LIPC: variants seen among roughly 807,000 people sequenced by gnomAD.
LIPC encodes lipase C, hepatic type.
In LIPC, 44 loss-of-function variants were observed where a neutral mutation model predicts 50.7. The observed-to-expected ratio is 0.87, with a 90% CI of 0.68 to 1.11. The LOEUF (loss-of-function observed/expected upper bound fraction) is 1.11. Ranked by LOEUF, LIPC falls within the 50% of genes most tolerant of loss-of-function variation. LIPC has a pLI of 0.00. For synonymous variants in LIPC, 271 were observed against 256.4 expected (o/e 1.06, Z -0.54); for missense variants, 697 against 648.2 (o/e 1.08, Z -0.82).
At chr15:58,464,889 C>T (rs770436701) in intron 1 of LIPC, among the ~76,000 whole-genome samples, 2 of 152,156 alleles carry the variant, frequency 1.3e-5, no homozygotes, top group Non-Finnish European at 2.9e-5. Context: ...AGAAAAATCG[C>T]TTGAACCTGG....
At chr15:58,532,278 G>C (rs576897720) in intron 1 of LIPC, among the ~76,000 whole-genome samples, 28 of 152,264 alleles carry the variant, frequency 1.8e-4, no homozygotes, top group African/African-American at 6.7e-4. Flanking sequence ...CCACACAAAT[G>C]TTTCCATCTT....
At chr15:58,518,168 A>C (rs755507890) in intron 1 of LIPC, among the ~76,000 whole-genome samples, 38 of 152,174 alleles carry the variant, frequency 2.5e-4, no homozygotes, top group Admixed American at 9.2e-4. Context: ...GCCTCTACCC[A>C]CTAATGCCAG....
At chr15:58,550,618 G>A (rs927859798) in intron 6 of LIPC, among the ~76,000 whole-genome samples, 1 of 152,002 alleles carries the variant, frequency 6.6e-6, no homozygotes. Context: ...CAGGGGGCTC[G>A]GTGGAGACTA....
chr15:58,498,586 C>T (rs911964611), intron 1 of LIPC: 2 of 152,156 alleles, frequency 1.3e-5, no homozygotes, highest in African/African-American at 4.8e-5. Flanking sequence ...GTAAAAATGT[C>T]TAGAAAGACT....
chr15:58,555,316 T>C (rs1399343377), intron 6 of LIPC, among the ~76,000 whole-genome samples: 4 of 152,102 alleles, frequency 2.6e-5, no homozygotes, highest in African/African-American at 7.2e-5. Context: ...AGAGCGTCCT[T>C]TGTGGCAGCG....
At chr15:58,565,457 C>T in intron 8 of LIPC, 1 of 1,412,622 alleles carries the variant, frequency 7.1e-7, no homozygotes, top group Non-Finnish European at 9.2e-7. Flanking sequence ...GAGGGAGGGG[C>T]CTGGCCCTTC....
intron 1 of LIPC, 126 bp downstream of exon 1, chr15:58,432,246 A>T: frequency 1.3e-6 from 1 of 757,754 alleles, no homozygotes; most frequent in Non-Finnish European, 2.4e-6. Flanking sequence ...AGGTGGTTCT[A>T]TACACGACCT....
rs375085819 is a variant in LIPC, at chr15:58,443,531, C to T, written c.88+11411C>T. Reference sequence around the variant, plus strand: ...ACTTTTAAGGTCACCAGGGATATTTCGAAAGAGCTGAAGCTTTTTCCTCCA... The same window carrying T: ...ACTTTTAAGGTCACCAGGGATATTTTGAAAGAGCTGAAGCTTTTTCCTCCA... On this transcript the variant is annotated intron_variant, in intron 1 of 8. Coordinates refer to ENST00000299022, the MANE Select transcript of LIPC (RefSeq NM_000236.3). Among the ~76,000 whole-genome samples, 5 of 152,342 alleles carry T rather than the reference C, an allele frequency of 3.3e-5. No homozygotes were observed. The South Asian group carries it at 6.2e-4, about 19-fold the overall frequency.
intron 6 of LIPC, among the ~76,000 whole-genome samples, chr15:58,559,877 C>A (rs1158456310): frequency 6.6e-6 from 1 of 152,162 alleles, no homozygotes; most frequent in African/African-American, 2.4e-5. Context: ...TTCAAAACAG[C>A]TCCATAGCTG....
rs1342290123 is a variant in LIPC at position 58,502,520 on chromosome 15, TTTG to T, written c.89-35810_89-35808del. Among the ~76,000 whole-genome samples, 12 of 151,438 alleles carry T rather than the reference TTTG, an allele frequency of 7.9e-5. 1 individual carries two copies. The South Asian group carries it at 1.9e-3, about 24-fold the overall frequency. ...CCATGTAATTTTCTCTTTTTTTTTTTTTGTTTGTTTTTATGAAAACGTATCATT... is the reference window on the plus strand; with the variant it reads ...CCATGTAATTTTCTCTTTTTTTTTTTTTTGTTTTTATGAAAACGTATCATT... On this transcript the variant is annotated intron_variant, in intron 1 of 8. Transcript: ENST00000299022.
chr15:58,472,288 A>AG (rs1303555182), intron 1 of LIPC, among the ~76,000 whole-genome samples: 4 of 150,338 alleles, frequency 2.7e-5, no homozygotes, highest in Non-Finnish European at 4.4e-5. Flanking sequence ...AAAAAAAAAA[A>AG]AAAAAGAAAT....
chr15:58,527,658 T>C (rs1470158182), intron 1 of LIPC, among the ~76,000 whole-genome samples: 1 of 152,228 alleles, frequency 6.6e-6, no homozygotes, highest in Non-Finnish European at 1.5e-5. Flanking sequence ...TTTATTTACT[T>C]GCCTCTACCA....
At chr15:58,532,713 A>C (rs1193344254) in intron 1 of LIPC, among the ~76,000 whole-genome samples, 1 of 152,014 alleles carries the variant, frequency 6.6e-6, no homozygotes, top group Non-Finnish European at 1.5e-5. Context: ...GCAGATCCTG[A>C]CTCCAATCGG....
intron 1 of LIPC, among the ~76,000 whole-genome samples, chr15:58,509,202 T>A (rs1230032819): frequency 6.6e-6 from 1 of 152,212 alleles, no homozygotes; most frequent in Admixed American, 6.5e-5. Context: ...TTAGATAGAA[T>A]AGAATCCATC....
chr15:58,457,690 C>T (rs1219308722), intron 1 of LIPC, among the ~76,000 whole-genome samples: 1 of 152,216 alleles, frequency 6.6e-6, no homozygotes, highest in African/African-American at 2.4e-5. Context: ...TTTATTCTCC[C>T]TAAACCAGCC....
At chr15:58,446,582 T>C (rs572956127) in intron 1 of LIPC, among the ~76,000 whole-genome samples, 14 of 152,292 alleles carry the variant, frequency 9.2e-5, no homozygotes, top group Non-Finnish European at 2.1e-4. Flanking sequence ...CTTGGTTACT[T>C]GCTGCCAATT....
intron 1 of LIPC, among the ~76,000 whole-genome samples, chr15:58,451,654 A>G (rs1378901625): frequency 3.3e-5 from 5 of 152,194 alleles, no homozygotes; most frequent in African/African-American, 9.7e-5. Context: ...GATAGGATCA[A>G]CTTTACCCAA....
At chr15:58,451,961 C>T (rs1429342868) in intron 1 of LIPC, among the ~76,000 whole-genome samples, 1 of 152,194 alleles carries the variant, frequency 6.6e-6, no homozygotes, top group East Asian at 1.9e-4. Context: ...AAGGGATTTT[C>T]AGTTAGTTCT....
intron 1 of LIPC, among the ~76,000 whole-genome samples, chr15:58,479,632 T>C (rs1263682040): frequency 6.6e-6 from 1 of 152,236 alleles, no homozygotes; most frequent in Non-Finnish European, 1.5e-5. Context: ...ACTGCTTGCA[T>C]CAGGCATGAA....
Sources: allele counts gnomAD v4.1 joint callset (sites outside exome capture counted in the v4.1 genomes callset), GRCh38; gene constraint gnomAD v4.1.1; transcripts MANE v1.5; gene names NCBI Gene and HGNC (gene_info 2026-07-23, HGNC 2026-07-21).